The following NLRC4 variants were observed in gnomAD, a reference collection of about 807,000 sequenced individuals.
NLRC4 encodes the protein NLR family CARD domain containing 4.
A neutral mutation model predicts 79.9 loss-of-function variants in NLRC4; 63 were observed. The ratio of observed to expected loss-of-function variants is 0.79; its 90% CI spans 0.64 to 0.97. The LOEUF (loss-of-function observed/expected upper bound fraction) is 0.97, where lower values mean the gene tolerates loss of function less well. Ranked by LOEUF, NLRC4 falls within the 50% of genes least tolerant of loss-of-function variation. NLRC4 has a pLI of 0.00. For missense variants in NLRC4, 1,074 were observed against 1,215.2 expected, an observed-to-expected ratio of 0.88 and a Z score of 1.73; for synonymous variants, 461 against 456.5, an observed-to-expected ratio of 1.01 and a Z score of -0.12.
At chr2:32,226,494 T>A (rs1172735051) in intron 8 of NLRC4, among the ~76,000 whole-genome samples, 1 of 152,224 alleles carries the variant, frequency 6.6e-6, no homozygotes, top group Non-Finnish European at 1.5e-5. Context: ...GGTAAGGAGA[T>A]GATTCACAGG....
intron 1 of NLRC4, among the ~76,000 whole-genome samples, chr2:32,258,380 G>A (rs1687259448): frequency 6.6e-6 from 1 of 152,210 alleles, no homozygotes; most frequent in African/African-American, 2.4e-5. Flanking sequence ...GGATGACGGT[G>A]TGGCAGGCCA....
chr2:32,231,579 G>GGA (rs201297468), intron 8 of NLRC4, among the ~76,000 whole-genome samples: 1 of 113,102 alleles, frequency 8.8e-6, no homozygotes, highest in South Asian at 3.6e-4. Context: ...TTTTGTGGGG[G>GGA]GGGGGTGGGG....
At chr2:32,230,504 C>G (rs1686507960) in intron 8 of NLRC4, among the ~76,000 whole-genome samples, 1 of 146,516 alleles carries the variant, frequency 6.8e-6, no homozygotes. Flanking sequence ...TAGAGTCTCA[C>G]TCTCCCACCC....
At chr2:32,243,918 C>A (rs1686869042) in intron 4 of NLRC4, among the ~76,000 whole-genome samples, 1 of 151,418 alleles carries the variant, frequency 6.6e-6, no homozygotes, top group Admixed American at 6.6e-5. Context: ...AAAAGTAAAA[C>A]TACGTGATCC....
At chr2:32,245,780 T>A (rs780326038) in intron 4 of NLRC4, among the ~76,000 whole-genome samples, 3 of 152,082 alleles carry the variant, frequency 2.0e-5, no homozygotes, top group African/African-American at 4.8e-5. Flanking sequence ...ATAGAAAAAA[T>A]TTACCTTATA....
chr2:32,243,144 C>A (rs1055402391), intron 4 of NLRC4, among the ~76,000 whole-genome samples: 1 of 152,124 alleles, frequency 6.6e-6, no homozygotes, highest in Non-Finnish European at 1.5e-5. Context: ...GGCGAGGTGG[C>A]TCACACCTGT....
At chr2:32,241,204 GT>G in intron 4 of NLRC4, 79 bp from the exon 5 acceptor site, 2 of 855,260 alleles carry the variant, frequency 2.3e-6, no homozygotes, top group South Asian at 1.5e-5. Context: ...TGTCATTTTT[GT>G]TACCAATCAA....
intron 4 of NLRC4, among the ~76,000 whole-genome samples, chr2:32,247,645 C>G (rs1295086285): frequency 6.6e-6 from 1 of 151,780 alleles, no homozygotes; most frequent in Non-Finnish European, 1.5e-5. Context: ...TATATTTAAA[C>G]ACATACATAT....
At position 32,250,125 on chromosome 2, in the gene NLRC4, TGAAA is replaced by T; in HGVS notation, c.1735_1738del (p.Phe579LysfsTer93). On this transcript the variant is annotated frameshift_variant, in exon 4 of 9. Coordinates refer to ENST00000402280, the MANE Select transcript of NLRC4 (RefSeq NM_001199138.2). LOFTEE classifies it high-confidence loss of function. This position sits in a 1 kb window ranked among gnomAD's most constrained non-coding sequence, Gnocchi z 4.9. ...TGAGTTGATATATAAGCTTTTACCTTGAAAGAAAGCTTCAAATTCTTGGCTCAGG... is the reference window on the plus strand; with the variant it reads ...TGAGTTGATATATAAGCTTTTACCTTGAAAGCTTCAAATTCTTGGCTCAGG... The T allele has an allele frequency of 6.2e-7, 1 of 1,614,158 alleles. No homozygotes were observed.
chr2:32,225,828 G>A (rs144842145), intron 8 of NLRC4, among the ~76,000 whole-genome samples: 1 of 152,112 alleles, frequency 6.6e-6, no homozygotes, highest in Non-Finnish European at 1.5e-5. Flanking sequence ...CGGCTCATCC[G>A]AGCTCATCTT....
intron 8 of NLRC4, among the ~76,000 whole-genome samples, chr2:32,225,050 TC>T (rs769205163): frequency 6.6e-6 from 1 of 152,164 alleles, no homozygotes; most frequent in Non-Finnish European, 1.5e-5. Flanking sequence ...TTTCCCCTTT[TC>T]CTTACTCCTA....
At chr2:32,258,666 T>C (rs1396642749) in intron 1 of NLRC4, among the ~76,000 whole-genome samples, 1 of 152,190 alleles carries the variant, frequency 6.6e-6, no homozygotes, top group Non-Finnish European at 1.5e-5. Context: ...GGAGAGATTA[T>C]GGTATAAGGA....
chr2:32,250,242 G>A lies in NLRC4; in HGVS notation c.1622C>T (p.Thr541Ile). 9 of 1,614,162 alleles carry A rather than the reference G, an allele frequency of 5.6e-6. No homozygotes were observed. The highest frequency in any genetic ancestry group is 6.8e-6 in the Non-Finnish European group (8 of 1,180,050). ...QESLQSVKNT[T>I]EQEILKAINI... ...TATGGCTTTCAGAATTTCTTGCTCA[G>A]TGGTGTTTTTCACACTTTGCAAAGA... The change falls in exon 4 of 9, where the codon ACT becomes ATT. Residue 541 changes from threonine (T) to isoleucine (I), a missense_variant. Coordinates refer to ENST00000402280, the MANE Select transcript of NLRC4 (RefSeq NM_001199138.2). This position sits in a 1 kb window ranked among gnomAD's most constrained non-coding sequence, Gnocchi z 4.9.
chr2:32,228,845 A>G lies in NLRC4; in HGVS notation c.2783-4080T>C, dbSNP rs77521523. Among the ~76,000 whole-genome samples, 547 of 151,952 alleles carry G rather than the reference A, an allele frequency of 3.6e-3. 4 individuals are homozygous for G. The Middle Eastern group carries it at 0.048, about 13-fold the overall frequency. The stretch of plus-strand genomic sequence containing the variant: ...AGTGGTGCAATCTCAGCTCACTGCA[A>G]TCTGCCCCACTGGCTCAAGTAAGTG... On this transcript the variant is annotated intron_variant, in intron 8 of 8. Transcript: ENST00000402280.
rs10192406 is a variant in NLRC4 at position 32,241,658 on chromosome 2, G to A, written c.2258-533C>T. On this transcript the variant is annotated intron_variant, in intron 4 of 8. Coordinates refer to ENST00000402280, the MANE Select transcript of NLRC4 (RefSeq NM_001199138.2). ...CTCCCGAAGTGCTGGGATTACAGGC[G>A]TGAGCCACTGCGCCTGGCCGATAAC... Among the ~76,000 whole-genome samples the A allele has an allele frequency of 7.2e-3, 1,090 of 152,220 alleles. 9 individuals are homozygous for A. The highest frequency in any genetic ancestry group is 0.025 in the African/African-American group (1,029 of 41,544).
Position 32,235,515 on chromosome 2 carries a change from A to T in NLRC4, c.2668T>A (p.Cys890Ser), listed in dbSNP as rs544969923. ...CTGCTCAGGCTGCCTTGCACGTCAC[A>T]GCCCCAGGGCAGCATCAGTGCGGTG... Reference protein sequence around the residue: ...QLTALMLPWGCDVQGSLSSLL... With the variant: ...QLTALMLPWGSDVQGSLSSLL... Residue 890 changes from cysteine to serine, a missense_variant, in exon 8 of 9, where the codon TGT becomes AGT. Physicochemically the swap from Cys to Ser is moderately radical, Grantham distance 112. Coordinates refer to ENST00000402280, the MANE Select transcript of NLRC4 (RefSeq NM_001199138.2). The T allele has an allele frequency of 1.9e-6, 3 of 1,614,228 alleles. No homozygotes were observed. The highest frequency in any genetic ancestry group is 2.5e-6 in the Non-Finnish European group (3 of 1,180,026).
intron 4 of NLRC4, among the ~76,000 whole-genome samples, chr2:32,242,528 C>T (rs535082904): frequency 1.6e-4 from 25 of 152,130 alleles, no homozygotes; most frequent in Non-Finnish European, 2.8e-4. Flanking sequence ...TAAAATTTCC[C>T]GGAAAAGACA....
intron 7 of NLRC4, 40 bp downstream of exon 7, chr2:32,236,207 A>G (rs757534811): frequency 2.4e-5 from 30 of 1,275,496 alleles, no homozygotes; most frequent in Middle Eastern, 3.7e-4. Context: ...CCCAGTATAC[A>G]TATTCAAGTA....
At position 32,256,845 on chromosome 2, in the gene NLRC4, A is replaced by C; in HGVS notation, c.-70T>G. On this transcript the variant is annotated 5_prime_UTR_variant, in exon 2 of 9. Coordinates refer to ENST00000402280, the MANE Select transcript of NLRC4 (RefSeq NM_001199138.2). ...ATATTATTTCCAAATGGAAAGGTCA[A>C]AGGTGATCCCAATATTGTCCTCTTT... is the stretch of plus-strand genomic sequence containing the variant. The C allele has an allele frequency of 1.3e-6, 1 of 774,228 alleles. No individual in the cohort carries two copies. Among genetic ancestry groups the C allele is most frequent in the South Asian group, 1.4e-5 (1 of 73,746 alleles). The allele number at this position is 774,228 out of a possible 1,614,324, so 48.0% of individuals were successfully genotyped here. A position where few individuals can be genotyped will look rare whatever the true frequency, so the allele number is the denominator to read the frequency against.
Sources: gnomAD v4.1 joint callset for allele counts (sites outside exome capture counted in the v4.1 genomes callset) on GRCh38, gnomAD v4.1.1 for gene constraint, Gnocchi (gnomAD v3.1) non-coding constraint, MANE v1.5 for transcripts, NCBI Gene and HGNC (gene_info 2026-07-23, HGNC 2026-07-21) for gene names.